The following DMD variants were observed in gnomAD, a reference collection of about 807,000 sequenced individuals.
DMD encodes the protein mutant dystrophin.
A neutral mutation model predicts 330.1 loss-of-function variants in DMD; 63 were observed. That is an observed-to-expected ratio of 0.19 (90% confidence interval 0.16 to 0.24). DMD has a LOEUF of 0.24. DMD is among the 10% of genes least tolerant of loss of function. DMD has a pLI of 1.00. For missense variants in DMD, 3,344 were observed against 2,684.1 expected, an observed-to-expected ratio of 1.25 and a Z score of -5.43; for synonymous variants, 1,223 against 959.8, an observed-to-expected ratio of 1.27 and a Z score of -5.07.
At chrX:32,047,428 AAT>A (rs1188861759) in intron 44 of DMD, among the ~76,000 whole-genome samples, 1 of 112,184 alleles carries the variant, frequency 8.9e-6, no homozygotes, top group Non-Finnish European at 1.9e-5. Flanking sequence ...TAGTTTTAAC[AAT>A]AGTGTTTGAC....
At position 31,555,539 on chromosome X, in the gene DMD, G is replaced by A. The variant is rs780376794; in HGVS notation, c.8218-48086C>T. ...AAGGTCTTAATTCAGGCATCCATAG[G>A]TGATACCTATTCCAGCACCGTAAGT... On this transcript the variant is annotated intron_variant, in intron 55 of 78. Coordinates refer to ENST00000357033, the MANE Select transcript of DMD (RefSeq NM_004006.3). 5.4e-5 allele frequency among the ~76,000 whole-genome samples: 6 copies of A among 111,843 alleles called. 1 individual carries two copies. Among genetic ancestry groups the A allele is most frequent in the Non-Finnish European group, 1.1e-4 (6 of 53,188 alleles).
chrX:31,279,613 T>C (rs1445286963), intron 62 of DMD, among the ~76,000 whole-genome samples: 1 of 112,383 alleles, frequency 8.9e-6, no homozygotes, highest in Non-Finnish European at 1.9e-5. Context: ...ACAAACCTAG[T>C]TGCATCTGTT....
intron 1 of DMD, among the ~76,000 whole-genome samples, chrX:33,055,484 G>C (rs765061642): frequency 3.6e-5 from 4 of 112,072 alleles, no homozygotes; most frequent in African/African-American, 1.3e-4. Context: ...ACACTGTATT[G>C]CAAGTTAAAA....
chrX:32,716,605 G>A (rs982719321), intron 7 of DMD, among the ~76,000 whole-genome samples: 1 of 111,298 alleles, frequency 9.0e-6, no homozygotes, highest in Admixed American at 9.6e-5. Flanking sequence ...ACATGAGAAC[G>A]TGGAACTAAC....
Position 32,253,605 on chromosome X carries a change from C to T in DMD, c.6290+33924G>A, listed in dbSNP as rs377201569. On this transcript the variant is annotated intron_variant, in intron 43 of 78. Coordinates refer to ENST00000357033, the MANE Select transcript of DMD (RefSeq NM_004006.3). ...CTTAGGGAATTATTTATCTCTATATCAATCTAAAATTGATTTAATCTTTTT... is the reference window on the plus strand; with the variant it reads ...CTTAGGGAATTATTTATCTCTATATTAATCTAAAATTGATTTAATCTTTTT... Among the ~76,000 whole-genome samples the T allele has an allele frequency of 3.8e-5, 4 of 104,278 alleles. No homozygotes were observed. The East Asian group carries it at 9.6e-4, about 25-fold the overall frequency. 90.6% of individuals were successfully genotyped at this position (104,278 alleles called of 115,157 possible).
At chrX:33,229,869 C>T (rs892839820) in intron 1 of DMD, among the ~76,000 whole-genome samples, 1 of 112,191 alleles carries the variant, frequency 8.9e-6, no homozygotes, top group African/African-American at 3.2e-5. Context: ...GACATCTTTA[C>T]CATGTTGAGT....
intron 2 of DMD, among the ~76,000 whole-genome samples, chrX:32,966,793 A>C (rs1372468752): frequency 8.9e-6 from 1 of 112,052 alleles, no homozygotes; most frequent in Non-Finnish European, 1.9e-5. Context: ...GAAGCATCCA[A>C]TCACAGAGCT....
intron 7 of DMD, among the ~76,000 whole-genome samples, chrX:32,756,838 A>AG (rs1444054409): frequency 8.9e-6 from 1 of 111,765 alleles, no homozygotes; most frequent in Non-Finnish European, 1.9e-5. Flanking sequence ...CTTTACAGTT[A>AG]GAATTAAGTG....
At chrX:31,424,751 G>T (rs1446014850) in intron 60 of DMD, among the ~76,000 whole-genome samples, 2 of 112,454 alleles carry the variant, frequency 1.8e-5, no homozygotes, top group African/African-American at 6.5e-5. Context: ...ACAACAGATA[G>T]TCTGACATTA....
chrX:32,483,164 T>TGTATATATATATATAC, intron 21 of DMD, among the ~76,000 whole-genome samples: 1 of 61,630 alleles, frequency 1.6e-5, no homozygotes, highest in Non-Finnish European at 3.4e-5. Context: ...TATATATATA[T>TGTATATATATATATAC]ACACCATATT....
intron 2 of DMD, among the ~76,000 whole-genome samples, chrX:32,920,666 T>C (rs890992215): frequency 8.9e-6 from 1 of 112,375 alleles, no homozygotes; most frequent in Admixed American, 9.5e-5. Flanking sequence ...TCCGCACATA[T>C]TTGTTGAATG....
At chrX:32,409,509 A>G (rs2098133193) in intron 30 of DMD, among the ~76,000 whole-genome samples, 1 of 111,683 alleles carries the variant, frequency 9.0e-6, no homozygotes, top group Non-Finnish European at 1.9e-5. Context: ...AAATAAGAAA[A>G]AACACACAGT....
chrX:32,458,893 A>C lies in DMD; in HGVS notation c.3433-4061T>G, dbSNP rs1335308400. ...TTTAGAAGTTCCTTATATATTTTGG[A>C]TATTAATCATTTGCCAGACATATGA... On this transcript the variant is annotated intron_variant, in intron 25 of 78. Coordinates refer to ENST00000357033, the MANE Select transcript of DMD (RefSeq NM_004006.3). 2.7e-5 allele frequency among the ~76,000 whole-genome samples: 3 copies of C among 111,014 alleles called. No homozygotes were observed. The Admixed American group carries it at 2.9e-4, about 11-fold the overall frequency.
intron 44 of DMD, among the ~76,000 whole-genome samples, chrX:32,092,333 G>T (rs775385034): frequency 1.8e-5 from 2 of 111,623 alleles, no homozygotes; most frequent in South Asian, 7.4e-4. Flanking sequence ...GCTTAAAGCA[G>T]CAACAGCTTA....
At chrX:32,755,912 C>A (rs1406612808) in intron 7 of DMD, among the ~76,000 whole-genome samples, 4 of 111,859 alleles carry the variant, frequency 3.6e-5, no homozygotes, top group Non-Finnish European at 7.5e-5. Flanking sequence ...TTCTTCATTG[C>A]ACTGTAATCA....
intron 1 of DMD, among the ~76,000 whole-genome samples, chrX:33,163,582 G>C (rs756511679): frequency 1.5e-4 from 14 of 90,722 alleles, no homozygotes; most frequent in African/African-American, 8.0e-4. Flanking sequence ...ATATGTATAT[G>C]TGTATATATC....
At chrX:32,557,000 A>G (rs1252319015) in intron 16 of DMD, among the ~76,000 whole-genome samples, 2 of 111,903 alleles carry the variant, frequency 1.8e-5, no homozygotes, top group Non-Finnish European at 3.8e-5. Flanking sequence ...AGGCATTACA[A>G]TAAGTGTTTT....
At chrX:32,990,534 G>A (rs772917572) in intron 2 of DMD, among the ~76,000 whole-genome samples, 8 of 112,048 alleles carry the variant, frequency 7.1e-5, no homozygotes, top group African/African-American at 1.3e-4. Context: ...GGCCATTTAA[G>A]AGAAGTTATT....
chrX:32,690,406 A>G (rs2063189821), intron 9 of DMD, among the ~76,000 whole-genome samples: 1 of 111,561 alleles, frequency 9.0e-6, no homozygotes, highest in Admixed American at 9.5e-5. Context: ...AAGGACTTAA[A>G]ATTGTCATTA....
Sources: allele counts gnomAD v4.1 joint callset (sites outside exome capture counted in the v4.1 genomes callset), GRCh38; gene constraint gnomAD v4.1.1; transcripts MANE v1.5; gene names NCBI Gene and HGNC (gene_info 2026-07-23, HGNC 2026-07-21).